The following PARD3B variants were observed in gnomAD, a reference collection of about 807,000 sequenced individuals.
PARD3B encodes the protein par-3 family cell polarity regulator beta.
A neutral mutation model predicts 130.2 loss-of-function variants in PARD3B; 103 were observed. That is an observed-to-expected ratio of 0.79 (90% CI 0.67 to 0.93). The LOEUF (loss-of-function observed/expected upper bound fraction) is 0.93, where lower values mean the gene tolerates loss of function less well. Among genes scored for constraint, PARD3B ranks in the 40% least tolerant of loss-of-function variants. The pLI, the probability that PARD3B is intolerant of heterozygous loss-of-function variation, is 0.00. For synonymous variants in PARD3B, 583 were observed against 553.2 expected (o/e 1.05, Z -0.76); for missense variants, 1,609 against 1,499.2 (o/e 1.07, Z -1.21).
chr2:205,525,632 A>G lies in PARD3B; in HGVS notation c.3180+25601A>G, dbSNP rs1428202372. On this transcript the variant is annotated intron_variant, in intron 21 of 22. Coordinates refer to ENST00000406610, the MANE Select transcript of PARD3B (RefSeq NM_001302769.2). This position sits in a 1 kb window ranked among gnomAD's most constrained non-coding sequence, Gnocchi z 4.2. The stretch of plus-strand genomic sequence containing the variant: ...CGGATGCTAATCTAATAACAGAATC[A>G]TATTTATAATACAGTAGGAAATTCT... Among the ~76,000 whole-genome samples the G allele has an allele frequency of 4.6e-5, 7 of 152,208 alleles. No homozygotes were observed. In the East Asian group the frequency reaches 1.3e-3, roughly 29 times the overall value.
At chr2:205,120,887 G>A (rs554917352) in intron 7 of PARD3B, among the ~76,000 whole-genome samples, 1 of 152,278 alleles carries the variant, frequency 6.6e-6, no homozygotes, top group South Asian at 2.1e-4. Context: ...GTTTGACCTG[G>A]GCACAGGGCA....
rs202237691 is a variant in PARD3B at position 204,773,608 on chromosome 2, CTG to C, written c.222+87328_222+87329del. Among the ~76,000 whole-genome samples, 939 of 152,236 alleles carry C rather than the reference CTG, an allele frequency of 6.2e-3. 6 individuals carry two copies. The highest frequency in any genetic ancestry group is 0.02 in the Middle Eastern group (6 of 294). ...TTCTATTATTTATCCTAAATCCTAT[CTG>C]TTACTGCTTCCTTGAAAATGTGCTT... On this transcript the variant is annotated intron_variant, in intron 2 of 22. Transcript: ENST00000406610.
rs774848829 is a variant in PARD3B, at chr2:205,110,649, T to TG, written c.594-2841dup. ...TCTGTTTTTTGTTTTTTGTTTTTTT[T>TG]GTAAGTGGCTGTCAACCGCTTTTTC... On this transcript the variant is annotated intron_variant, in intron 5 of 22. Transcript: ENST00000406610. Among the ~76,000 whole-genome samples, 114 of 147,798 alleles carry TG rather than the reference T, an allele frequency of 7.7e-4. 1 individual carries two copies. Among genetic ancestry groups the TG allele is most frequent in the East Asian group, 5.1e-3 (26 of 5,090 alleles).
chr2:204,717,472 C>T (rs7594540), intron 2 of PARD3B, among the ~76,000 whole-genome samples: 115,180 of 152,090 alleles, frequency 0.76, 44,170 homozygotes, highest in East Asian at 0.88. Context: ...ATCCCTGTCA[C>T]GTGAACAAGT....
At chr2:204,831,026 A>T (rs191306956) in intron 2 of PARD3B, among the ~76,000 whole-genome samples, 1 of 152,340 alleles carries the variant, frequency 6.6e-6, no homozygotes. Context: ...AACTGAGTAA[A>T]TTGAATGCTT....
At chr2:204,751,508 T>C (rs1037447678) in intron 2 of PARD3B, among the ~76,000 whole-genome samples, 2 of 152,162 alleles carry the variant, frequency 1.3e-5, no homozygotes, top group Non-Finnish European at 2.9e-5. Flanking sequence ...CATGAGGTGG[T>C]CTCCAAACTT....
chr2:204,941,387 A>T (rs1173951790), intron 2 of PARD3B, among the ~76,000 whole-genome samples: 1 of 152,198 alleles, frequency 6.6e-6, no homozygotes, highest in Non-Finnish European at 1.5e-5. Flanking sequence ...AAGAAAAAGG[A>T]AAGTTCTAAC....
chr2:205,297,090 G>A (rs894681476), intron 16 of PARD3B, among the ~76,000 whole-genome samples: 20 of 151,772 alleles, frequency 1.3e-4, no homozygotes, highest in African/African-American at 3.1e-4. Context: ...CGTTCTTCTC[G>A]ATCTTAAAGA....
chr2:204,761,130 G>C (rs2040879859), intron 2 of PARD3B, among the ~76,000 whole-genome samples: 1 of 152,152 alleles, frequency 6.6e-6, no homozygotes, highest in African/African-American at 2.4e-5. Flanking sequence ...GTTAGGGGTG[G>C]AGCTGGGATG....
chr2:204,835,333 T>G (rs138613486), intron 2 of PARD3B, among the ~76,000 whole-genome samples: 1 of 152,208 alleles, frequency 6.6e-6, no homozygotes, highest in Non-Finnish European at 1.5e-5. Context: ...GAAGACTCCT[T>G]ACTGAGATAT....
intron 14 of PARD3B, among the ~76,000 whole-genome samples, chr2:205,192,150 G>T (rs1194625068): frequency 6.6e-6 from 1 of 152,180 alleles, no homozygotes; most frequent in African/African-American, 2.4e-5. Flanking sequence ...GAGGGATGAT[G>T]AGTTTCAAGA....
intron 2 of PARD3B, among the ~76,000 whole-genome samples, chr2:204,934,900 T>C (rs1173483955): frequency 6.6e-6 from 1 of 152,146 alleles, no homozygotes; most frequent in Non-Finnish European, 1.5e-5. Flanking sequence ...ATATAACTCA[T>C]TGATTTAATA....
chr2:205,283,591 A>G (rs537381571), intron 16 of PARD3B, among the ~76,000 whole-genome samples: 2 of 152,294 alleles, frequency 1.3e-5, no homozygotes, highest in South Asian at 4.1e-4. Context: ...CTGTGACCTT[A>G]TTTGAATCAA....
chr2:205,454,815 AG>A (rs1290589534), intron 20 of PARD3B, among the ~76,000 whole-genome samples: 1 of 152,142 alleles, frequency 6.6e-6, no homozygotes, highest in African/African-American at 2.4e-5. Context: ...CAAAAATGCC[AG>A]TCAGGTCACA....
At chr2:204,900,050 G>A (rs139721820) in intron 2 of PARD3B, among the ~76,000 whole-genome samples, 12 of 151,926 alleles carry the variant, frequency 7.9e-5, no homozygotes, top group Admixed American at 6.5e-4. Flanking sequence ...CTTTATCCTT[G>A]ACCTTTGGGA....
chr2:204,619,522 G>A (rs1362067549), intron 1 of PARD3B, among the ~76,000 whole-genome samples: 1 of 152,150 alleles, frequency 6.6e-6, no homozygotes, highest in Non-Finnish European at 1.5e-5. Context: ...CAAAAGAGCA[G>A]GTTTTTTTTA....
intron 2 of PARD3B, among the ~76,000 whole-genome samples, chr2:204,713,552 G>C (rs1054992527): frequency 2.0e-5 from 3 of 151,792 alleles, no homozygotes; most frequent in Admixed American, 2.0e-4. Flanking sequence ...TTAAACACTA[G>C]TTTCCTGTTT....
At position 205,558,744 on chromosome 2, in the gene PARD3B, T is replaced by C. The variant is rs978998611; in HGVS notation, c.3260+5341T>C. On this transcript the variant is annotated intron_variant, in intron 22 of 22. Coordinates refer to ENST00000406610, the MANE Select transcript of PARD3B (RefSeq NM_001302769.2). This position sits in a 1 kb window ranked among gnomAD's most constrained non-coding sequence, Gnocchi z 4.8. The stretch of plus-strand genomic sequence containing the variant: ...TGATTCCAAAAGTACCTGCCTAACA[T>C]TCATGTCCCACTCTTGTGACCCCGT... 1.3e-5 allele frequency among the ~76,000 whole-genome samples: 2 copies of C among 152,186 alleles called. No homozygotes were observed. The highest frequency in any genetic ancestry group is 4.8e-5 in the African/African-American group (2 of 41,444).
chr2:205,610,009 T>C (rs183195990), intron 22 of PARD3B, among the ~76,000 whole-genome samples: 13 of 152,232 alleles, frequency 8.5e-5, no homozygotes, highest in Non-Finnish European at 1.8e-4. Context: ...TAATAAATTA[T>C]AGCAGACTCA....
Sources: allele counts gnomAD v4.1 joint callset (sites outside exome capture counted in the v4.1 genomes callset), GRCh38; gene constraint gnomAD v4.1.1; non-coding constraint Gnocchi (gnomAD v3.1); transcripts MANE v1.5; gene names NCBI Gene and HGNC (gene_info 2026-07-23, HGNC 2026-07-21).